Variants in ADCK5 observed in about 807,000 individuals in gnomAD.
ADCK5 encodes the protein aarF domain containing kinase 5.
Under a neutral mutation model 64.9 loss-of-function variants are expected in ADCK5, and 43 were observed. The observed-to-expected ratio is 0.66, with a 90% CI of 0.52 to 0.85. The LOEUF (loss-of-function observed/expected upper bound fraction) is 0.85, where lower values mean the gene tolerates loss of function less well. ADCK5 is among the 40% of genes least tolerant of loss of function. ADCK5 has a pLI of 0.00. For missense variants in ADCK5, 760 were observed against 810.5 expected, an observed-to-expected ratio of 0.94 and a Z score of 0.76; for synonymous variants, 434 against 342.8, an observed-to-expected ratio of 1.27 and a Z score of -2.94.
chr8:144,380,378 C>T (rs79107795), intron 2 of ADCK5, among the ~76,000 whole-genome samples: 10 of 141,638 alleles, frequency 7.1e-5, no homozygotes, highest in East Asian at 4.3e-4. Context: ...AGGCACCTGC[C>T]GCAGTCAGGA....
At chr8:144,381,069 C>T (rs1478323085) in intron 2 of ADCK5, among the ~76,000 whole-genome samples, 5 of 149,298 alleles carry the variant, frequency 3.3e-5, no homozygotes, top group Non-Finnish European at 5.9e-5. Flanking sequence ...GATGTGTGCT[C>T]AGGCACCTGC....
rs1554861531 is a variant in ADCK5 at position 144,392,771 on chromosome 8, T to C, written c.1521-5T>C. 2.5e-6 allele frequency: 4 copies of C among 1,593,410 alleles called. No homozygotes were observed. In the East Asian group the frequency reaches 9.0e-5, roughly 36 times the overall value. Reference sequence around the variant, plus strand: ...CTGACGCGGCGCTAACGCGGGTGTGTGCAGGGCTGTCCGGGGCTGGAGCCG... The same window carrying C: ...CTGACGCGGCGCTAACGCGGGTGTGCGCAGGGCTGTCCGGGGCTGGAGCCG... On this transcript the variant is annotated splice_region_variant and splice_polypyrimidine_tract_variant and intron_variant, in intron 13 of 14. Coordinates refer to ENST00000308860, the MANE Select transcript of ADCK5 (RefSeq NM_174922.5).
At position 144,391,882 on chromosome 8, in the gene ADCK5, C is replaced by A. The variant is rs781813814; in HGVS notation, c.1014+16C>A. On this transcript the variant is annotated intron_variant, in intron 9 of 14. Transcript: ENST00000308860. ...AGTGCATGACGTGAGTGCGGGGGGGCGGGGGCGGGTCAGGGCGGGCTGGTG... is the reference window on the plus strand; with the variant it reads ...AGTGCATGACGTGAGTGCGGGGGGGAGGGGGCGGGTCAGGGCGGGCTGGTG... The A allele has an allele frequency of 3.6e-5, 4 of 112,590 alleles. No homozygotes were observed. Among genetic ancestry groups the A allele is most frequent in the Non-Finnish European group, 6.9e-5 (4 of 58,014 alleles). 7.0% of individuals were successfully genotyped at this position (112,590 alleles called of 1,614,324 possible).
In ADCK5 at chr8:144,380,139, C is replaced by T. The variant is rs114826368; in HGVS notation, c.116+649C>T. On this transcript the variant is annotated intron_variant, in intron 2 of 14. Coordinates refer to ENST00000308860, the MANE Select transcript of ADCK5 (RefSeq NM_174922.5). ...AGGCGCCTGCGGCTGGGTGCAGAAA[C>T]AGATGTGCACTCAGACACCTGCTGC... Among the ~76,000 whole-genome samples the T allele has an allele frequency of 7.8e-3, 1,188 of 152,064 alleles. 14 individuals are homozygous for T. Among genetic ancestry groups the T allele is most frequent in the African/African-American group, 0.027 (1,134 of 41,456 alleles).
rs1367280077 is a variant in ADCK5, at chr8:144,391,846, C to T, written c.994C>T (p.Gln332Ter). The T allele has an allele frequency of 7.7e-7, 1 of 1,305,060 alleles. No homozygotes were observed. Among genetic ancestry groups the T allele is most frequent in the Admixed American group, 2.3e-5 (1 of 42,690 alleles). 80.8% of individuals were successfully genotyped at this position (1,305,060 alleles called of 1,614,324 possible). ...CAACGATGTGGAGGCCATCAGGAGC[C>T]AGGGGCTGGCAGTGCATGACGTGAG... Reference protein sequence around the residue: ...KVNDVEAIRSQGLAVHDIAEK... With the variant: ...KVNDVEAIRS Residue 332 changes from glutamine (Q) to a stop codon, truncating the protein, a stop_gained, in exon 9 of 15, where the codon CAG (glutamine) becomes TAG (stop). Coordinates refer to ENST00000308860, the MANE Select transcript of ADCK5 (RefSeq NM_174922.5). LOFTEE classifies it high-confidence loss of function.
intron 1 of ADCK5, chr8:144,375,675 G>A (rs1586571977): frequency 5.1e-6 from 5 of 984,674 alleles, no homozygotes; most frequent in Non-Finnish European, 6.0e-6. Context: ...CGCTTTCAAG[G>A]TAGTCAGCTG....
intron 2 of ADCK5, 139 bp from the exon 3 acceptor site, chr8:144,382,942 G>T (rs947600768): frequency 8.2e-7 from 1 of 1,220,294 alleles, no homozygotes. Flanking sequence ...CGCTGATGCG[G>T]TGGTGTTCTC....
chr8:144,390,243 CAGCT>C (rs1303980923), intron 3 of ADCK5, among the ~76,000 whole-genome samples: 5 of 152,240 alleles, frequency 3.3e-5, no homozygotes, highest in African/African-American at 1.2e-4. Context: ...CCTCCTGCCT[CAGCT>C]TCCTGAGGAG....
At position 144,380,085 on chromosome 8, in the gene ADCK5, C is replaced by T. The variant is rs536227061; in HGVS notation, c.116+595C>T. Among the ~76,000 whole-genome samples, 8 of 152,356 alleles carry T rather than the reference C, an allele frequency of 5.3e-5. No homozygotes were observed. In the East Asian group the frequency reaches 5.8e-4, roughly 11 times the overall value. Reference sequence around the variant, plus strand: ...ACAACCTGTGTCCCTGGGACAGATGCGGCCAGCTACAGAAACAGATGGGTG... The same window carrying T: ...ACAACCTGTGTCCCTGGGACAGATGTGGCCAGCTACAGAAACAGATGGGTG... On this transcript the variant is annotated intron_variant, in intron 2 of 14. Transcript: ENST00000308860.
intron 3 of ADCK5, among the ~76,000 whole-genome samples, chr8:144,388,782 A>G (rs1263724691): frequency 6.6e-6 from 1 of 151,614 alleles, no homozygotes; most frequent in Admixed American, 6.6e-5. Context: ...AAAAAAAGAA[A>G]CCGAAACCCT....
intron 2 of ADCK5, among the ~76,000 whole-genome samples, chr8:144,381,616 C>T (rs1554858262): frequency 6.8e-6 from 1 of 146,858 alleles, no homozygotes; most frequent in African/African-American, 2.5e-5. Flanking sequence ...GCTCAGGCAC[C>T]TCCCGCAGTC....
chr8:144,374,254 G>A (rs2130676261), intron 1 of ADCK5, 147 bp downstream of exon 1: 1 of 771,876 alleles, frequency 1.3e-6, no homozygotes, highest in Non-Finnish European at 1.8e-6. Context: ...CTGTCGCCCT[G>A]GAGCGCAGTG....
rs369711044 is a variant in ADCK5, at chr8:144,391,766, C to T, written c.931-17C>T. ...ACAGCGCTGGGCCTGCTGAGCCCAG[C>T]CTCTTGCTCTCCCCAGCGCGTGCTC... On this transcript the variant is annotated splice_polypyrimidine_tract_variant and intron_variant, in intron 8 of 14. Transcript: ENST00000308860. The T allele has an allele frequency of 3.2e-6, 5 of 1,541,870 alleles. No homozygotes were observed. The African/African-American group carries it at 6.8e-5, about 21-fold the overall frequency.
chr8:144,379,242 C>G (rs557692729), intron 1 of ADCK5, 145 bp from the exon 2 acceptor site: 28 of 526,866 alleles, frequency 5.3e-5, no homozygotes, highest in Non-Finnish European at 8.8e-5. Context: ...CTGGGTAGTT[C>G]TTTAGAGCAG....
At chr8:144,382,451 C>G (rs1189892134) in intron 2 of ADCK5, among the ~76,000 whole-genome samples, 1 of 152,180 alleles carries the variant, frequency 6.6e-6, no homozygotes, top group East Asian at 1.9e-4. Context: ...GTATTGGACT[C>G]CTGCTGTATT....
At chr8:144,385,487 A>C (rs1819875878) in intron 3 of ADCK5, among the ~76,000 whole-genome samples, 1 of 150,732 alleles carries the variant, frequency 6.6e-6, no homozygotes, top group African/African-American at 2.4e-5. Flanking sequence ...CCTGGCCCTA[A>C]ACTTAAATCA....
In ADCK5 at chr8:144,393,086, C is replaced by A; in HGVS notation, c.*12C>A. The A allele has an allele frequency of 6.5e-7, 1 of 1,544,252 alleles. No individual in the cohort carries two copies. The highest frequency in any genetic ancestry group is 2.4e-5 in the East Asian group (1 of 42,004). On this transcript the variant is annotated 3_prime_UTR_variant, in exon 15 of 15. Coordinates refer to ENST00000308860, the MANE Select transcript of ADCK5 (RefSeq NM_174922.5). ...ACCTGGAGACCTAGGGTGCAGCCGC[C>A]CAGGGCCGGCGGGGCCCTTTTCACC...
In ADCK5 at chr8:144,393,226, T is replaced by A. The variant is rs897155935; in HGVS notation, c.*152T>A. 8 of 1,385,758 alleles carry A rather than the reference T, an allele frequency of 5.8e-6. No homozygotes were observed. The highest frequency in any genetic ancestry group is 2.6e-5 in the Admixed American group (1 of 38,700). 85.8% of individuals were successfully genotyped at this position (1,385,758 alleles called of 1,614,324 possible). On this transcript the variant is annotated 3_prime_UTR_variant, in exon 15 of 15. Coordinates refer to ENST00000308860, the MANE Select transcript of ADCK5 (RefSeq NM_174922.5). ...AGGAGGCCGTGTAATGACCACACACTCCTCTCAAGCAAAAAATGTTTTTCC... is the reference window on the plus strand; with the variant it reads ...AGGAGGCCGTGTAATGACCACACACACCTCTCAAGCAAAAAATGTTTTTCC...
At chr8:144,383,450 G>A (rs1382417683) in intron 3 of ADCK5, among the ~76,000 whole-genome samples, 1 of 152,182 alleles carries the variant, frequency 6.6e-6, no homozygotes, top group African/African-American at 2.4e-5. Context: ...ATAGGAGGTG[G>A]TGTAGACAAG....
Sources: allele counts gnomAD v4.1 joint callset (sites outside exome capture counted in the v4.1 genomes callset), GRCh38; gene constraint gnomAD v4.1.1; transcripts MANE v1.5; gene names NCBI Gene and HGNC (gene_info 2026-07-23, HGNC 2026-07-21).